The following COL4A6 variants were observed in gnomAD, a reference collection of about 807,000 sequenced individuals.
COL4A6 encodes collagen type IV alpha 6 chain.
A neutral mutation model predicts 126.7 loss-of-function variants in COL4A6; 59 were observed. The ratio of observed to expected loss-of-function variants is 0.47; its 90% CI spans 0.38 to 0.58. COL4A6 has a LOEUF of 0.58. Among genes scored for constraint, COL4A6 ranks in the 20% least tolerant of loss-of-function variants. The pLI, the probability that COL4A6 is intolerant of heterozygous loss-of-function variation, is 0.00. For missense variants in COL4A6, 1,285 were observed against 1,337.3 expected (o/e 0.96, Z 0.61); for synonymous variants, 547 against 496.6 (o/e 1.10, Z -1.35).
Position 108,191,007 on chromosome X carries a change from T to C in COL4A6, c.1321+386A>G, listed in dbSNP as rs370487553. Among the ~76,000 whole-genome samples, 6 of 111,975 alleles carry C rather than the reference T, an allele frequency of 5.4e-5. No individual in the cohort carries two copies. The East Asian group carries it at 1.1e-3, about 21-fold the overall frequency. ...GAGGGTCCAGGCTTGGCTTCTTTTT[T>C]TCTCAGTCTCTCAGCCCACCCCATT... On this transcript the variant is annotated intron_variant, in intron 19 of 44. Transcript: ENST00000334504.
At chrX:108,163,217 C>T in intron 40 of COL4A6, 179 bp from the exon 41 acceptor site, 1 of 406,645 alleles carries the variant, frequency 2.5e-6, no homozygotes, top group Non-Finnish European at 4.2e-6. Flanking sequence ...ATCCATCTCT[C>T]TCCCCAGTGG....
chrX:108,187,028 C>A, intron 23 of COL4A6, 68 bp downstream of exon 23: 2 of 911,840 alleles, frequency 2.2e-6, no homozygotes, highest in South Asian at 4.0e-5. Context: ...ATTTCATGCA[C>A]CTGAGTCATA....
chrX:108,355,171 C>T (rs187458545), intron 2 of COL4A6, among the ~76,000 whole-genome samples: 6 of 111,535 alleles, frequency 5.4e-5, no homozygotes, highest in African/African-American at 2.0e-4. Flanking sequence ...GTGACTAACA[C>T]TATCGGGTAC....
At chrX:108,438,533 C>T, upstream of COL4A6, 2 of 877,842 alleles carry the variant, frequency 2.3e-6, no homozygotes, top group Middle Eastern at 4.6e-4. Context: ...TTTCAGGCAC[C>T]TTTCCACACA....
intron 16 of COL4A6, 78 bp from the exon 17 acceptor site, chrX:108,193,775 C>G (rs1486233759): frequency 7.1e-6 from 6 of 844,926 alleles, no homozygotes; most frequent in Non-Finnish European, 1.0e-5. Context: ...TAAAGCCCAT[C>G]CCTAGGAAAA....
At chrX:108,215,875 A>T (rs1297955612) in intron 5 of COL4A6, among the ~76,000 whole-genome samples, 2 of 110,712 alleles carry the variant, frequency 1.8e-5, no homozygotes, top group South Asian at 3.9e-4. Context: ...TATAGCCTTC[A>T]CTCAACTCTA....
chrX:108,412,521 A>G (rs1028940575), intron 2 of COL4A6, among the ~76,000 whole-genome samples: 4 of 111,970 alleles, frequency 3.6e-5, no homozygotes, highest in African/African-American at 9.7e-5. Flanking sequence ...CATCGCTGTC[A>G]TCACATGCCA....
At chrX:108,273,215 C>A (rs374072503) in intron 3 of COL4A6, among the ~76,000 whole-genome samples, 2 of 110,499 alleles carry the variant, frequency 1.8e-5, no homozygotes, top group South Asian at 3.9e-4. Context: ...ATGCAGCCAA[C>A]AGACACATGA....
At chrX:108,280,413 C>A (rs774499917) in intron 3 of COL4A6, among the ~76,000 whole-genome samples, 2 of 111,940 alleles carry the variant, frequency 1.8e-5, no homozygotes, top group Non-Finnish European at 3.8e-5. Context: ...ATAAAGTCCT[C>A]GACACATACA....
intron 2 of COL4A6, among the ~76,000 whole-genome samples, chrX:108,349,611 T>C (rs1443129728): frequency 9.0e-6 from 1 of 111,710 alleles, no homozygotes; most frequent in Non-Finnish European, 1.9e-5. Flanking sequence ...TCAACAATCA[T>C]AGTAGCAGGC....
At chrX:108,434,804 TAC>T (rs1399851579) in intron 2 of COL4A6, among the ~76,000 whole-genome samples, 2 of 108,135 alleles carry the variant, frequency 1.8e-5, no homozygotes, top group Non-Finnish European at 3.8e-5. Flanking sequence ...TATACACACA[TAC>T]ACACACGTAT....
At chrX:108,264,568 A>T (rs759238339) in intron 3 of COL4A6, among the ~76,000 whole-genome samples, 9 of 111,767 alleles carry the variant, frequency 8.1e-5, no homozygotes, top group Non-Finnish European at 1.3e-4. Flanking sequence ...TTGGAGGAGA[A>T]GAGCCAAGTG....
intron 2 of COL4A6, among the ~76,000 whole-genome samples, chrX:108,362,701 C>G (rs2040114883): frequency 1.8e-5 from 2 of 112,173 alleles, no homozygotes; most frequent in Middle Eastern, 4.6e-3. Flanking sequence ...AATTTATTTC[C>G]TAGAGCTTCA....
intron 2 of COL4A6, among the ~76,000 whole-genome samples, chrX:108,326,906 C>G (rs755621885): frequency 8.9e-6 from 1 of 111,808 alleles, no homozygotes; most frequent in South Asian, 3.7e-4. Flanking sequence ...AGATACAACA[C>G]CAGAAACTTG....
At chrX:108,185,703 T>C (rs777742458) in intron 23 of COL4A6, among the ~76,000 whole-genome samples, 9 of 112,386 alleles carry the variant, frequency 8.0e-5, no homozygotes, top group Non-Finnish European at 1.3e-4. Flanking sequence ...TATGGAACAC[T>C]GCACTATGCT....
intron 5 of COL4A6, among the ~76,000 whole-genome samples, chrX:108,216,440 G>A (rs1456967726): frequency 1.8e-5 from 2 of 112,117 alleles, no homozygotes; most frequent in East Asian, 5.6e-4. Flanking sequence ...AGCATTAAAA[G>A]TGAATAATGC....
chrX:108,295,957 C>T (rs1036192797), intron 3 of COL4A6, among the ~76,000 whole-genome samples: 1 of 111,925 alleles, frequency 8.9e-6, no homozygotes, highest in African/African-American at 3.2e-5. Context: ...TTGGTTATTA[C>T]CTCATTTTAA....
chrX:108,438,057 G>A (rs2064302769), intron 1 of COL4A6, 64 bp from the exon 2 acceptor site: 1 of 1,193,157 alleles, frequency 8.4e-7, no homozygotes, highest in African/African-American at 1.7e-5. Flanking sequence ...TCTGCCTGTC[G>A]CCCCCCGAAC....
rs759712282 is a variant in COL4A6 at position 108,438,220 on chromosome X, G to C, written c.-24C>G. 5.1e-6 allele frequency: 6 copies of C among 1,181,293 alleles called. No individual in the cohort carries two copies. Among genetic ancestry groups the C allele is most frequent in the Non-Finnish European group, 6.8e-6 (6 of 882,976 alleles). On this transcript the variant is annotated 5_prime_UTR_variant, in exon 1 of 45. Transcript: ENST00000334504. ...ATGCTTGCGGCTCCTCCGGAGCTGGGTCCCGGGAGACTGCTAAGCGGCTCC... is the reference window on the plus strand; with the variant it reads ...ATGCTTGCGGCTCCTCCGGAGCTGGCTCCCGGGAGACTGCTAAGCGGCTCC...
Sources: gnomAD v4.1 joint callset for allele counts (sites outside exome capture counted in the v4.1 genomes callset) on GRCh38, gnomAD v4.1.1 for gene constraint, MANE v1.5 for transcripts, NCBI Gene and HGNC (gene_info 2026-07-23, HGNC 2026-07-21) for gene names.